The following ELF2 variants were observed in gnomAD, a reference collection of about 807,000 sequenced individuals.
ELF2 encodes the protein E74 like ETS transcription factor 2.
Under a neutral mutation model 54.8 loss-of-function variants are expected in ELF2, and 11 were observed. The observed-to-expected ratio is 0.20, with a 90% CI of 0.13 to 0.33. ELF2 has a LOEUF of 0.33. Ranked by LOEUF, ELF2 falls within the 10% of genes least tolerant of loss-of-function variation. ELF2 has a pLI of 1.00. For missense variants in ELF2, 513 were observed against 703.0 expected, an observed-to-expected ratio of 0.73 and a Z score of 3.06; for synonymous variants, 203 against 245.1, an observed-to-expected ratio of 0.83 and a Z score of 1.61.
At chr4:139,165,894 G>A (rs1462894163) in intron 1 of ELF2, among the ~76,000 whole-genome samples, 2 of 150,680 alleles carry the variant, frequency 1.3e-5, no homozygotes, top group Non-Finnish European at 2.9e-5. Context: ...AAAACTCTTA[G>A]AAATCTAATA....
chr4:139,093,311 C>G (rs1459343542), intron 4 of ELF2, among the ~76,000 whole-genome samples: 1 of 152,146 alleles, frequency 6.6e-6, no homozygotes, highest in Admixed American at 6.5e-5. Context: ...CTTCCCTCCA[C>G]AAAAAACAAA....
chr4:139,169,072 G>A (rs1431253103), intron 1 of ELF2, among the ~76,000 whole-genome samples: 4 of 152,114 alleles, frequency 2.6e-5, no homozygotes, highest in Non-Finnish European at 5.9e-5. Context: ...GGGAGGCCGA[G>A]ACAGGCAGAT....
At chr4:139,172,128 G>A (rs1313852432) in intron 1 of ELF2, among the ~76,000 whole-genome samples, 1 of 152,102 alleles carries the variant, frequency 6.6e-6, no homozygotes, top group African/African-American at 2.4e-5. Context: ...CTAACCAAGA[G>A]AAACAAAACC....
Position 139,159,837 on chromosome 4 carries a change from T to C in ELF2, c.-252+17130A>G, listed in dbSNP as rs564899667. ...AAGTGGCATTAATGAAAGAGGACCC[T>C]TGTGTAGTGAGGAATCCTCTTTCTG... On this transcript the variant is annotated intron_variant, in intron 1 of 9. Transcript: ENST00000686138. Among the ~76,000 whole-genome samples, 26 of 152,188 alleles carry C rather than the reference T, an allele frequency of 1.7e-4. No homozygotes were observed. In the South Asian group the frequency reaches 4.8e-3, roughly 28 times the overall value.
At chr4:139,149,924 G>A (rs1271833896) in intron 1 of ELF2, among the ~76,000 whole-genome samples, 1 of 152,194 alleles carries the variant, frequency 6.6e-6, no homozygotes, top group East Asian at 1.9e-4. Context: ...GTCAGGCACA[G>A]TAGCTCACAC....
intron 3 of ELF2, 141 bp from the exon 4 acceptor site, chr4:139,125,470 C>T: frequency 2.1e-6 from 2 of 956,048 alleles, no homozygotes; most frequent in Non-Finnish European, 2.9e-6. Flanking sequence ...AAAGCCAAAA[C>T]AAGAGATGAA....
intron 1 of ELF2, among the ~76,000 whole-genome samples, chr4:139,146,983 T>C (rs1438526916): frequency 1.3e-5 from 2 of 152,124 alleles, no homozygotes; most frequent in African/African-American, 2.4e-5. Flanking sequence ...AATTCATGAC[T>C]AAGACCCCAA....
At chr4:139,059,859 T>G (rs1401632141) in intron 9 of ELF2, among the ~76,000 whole-genome samples, 9 of 151,990 alleles carry the variant, frequency 5.9e-5, no homozygotes, top group Admixed American at 1.3e-4. Context: ...CTTTTTTTTT[T>G]TTTTTGGAGA....
At chr4:139,082,211 T>C (rs1252491475) in intron 4 of ELF2, among the ~76,000 whole-genome samples, 1 of 152,240 alleles carries the variant, frequency 6.6e-6, no homozygotes, top group Non-Finnish European at 1.5e-5. Flanking sequence ...TTTCCGTGTG[T>C]TCGCAGCCAC....
At chr4:139,168,826 C>A (rs1045382741) in intron 1 of ELF2, among the ~76,000 whole-genome samples, 2 of 152,024 alleles carry the variant, frequency 1.3e-5, no homozygotes, top group African/African-American at 4.8e-5. Flanking sequence ...CCTCTGCCTC[C>A]CAAAGCGCCA....
chr4:139,060,626 A>T lies in ELF2; in HGVS notation c.855T>A (p.Leu285=), dbSNP rs1187174835. 1.9e-6 allele frequency: 3 copies of T among 1,611,256 alleles called. No homozygotes were observed. The highest frequency in any genetic ancestry group is 2.5e-6 in the Non-Finnish European group (3 of 1,178,802). ...TCGGCATATCCTTGAACTGATATACAAGCCTCTGTCCTTCAACCTTTGCAA... is the reference window on the plus strand; with the variant it reads ...TCGGCATATCCTTGAACTGATATACTAGCCTCTGTCCTTCAACCTTTGCAA... ...GILAKVEGQR[L]VYQFKDMPKN... The change falls in exon 9 of 10, where the codon CTT becomes CTA. Residue 285 remains leucine, a synonymous_variant. Transcript: ENST00000686138.
intron 4 of ELF2, among the ~76,000 whole-genome samples, chr4:139,096,895 G>C (rs1197861527): frequency 1.3e-5 from 2 of 151,780 alleles, no homozygotes; most frequent in East Asian, 3.9e-4. Flanking sequence ...GTTCTTCAGA[G>C]TGCTCATTTT....
At chr4:139,091,369 ATAAAAGGTT>A (rs562430879) in intron 4 of ELF2, among the ~76,000 whole-genome samples, 17 of 152,398 alleles carry the variant, frequency 1.1e-4, no homozygotes, top group Admixed American at 8.5e-4. Context: ...TAGTAAAGAA[ATAAAAGGTT>A]TAAAAATAAA....
chr4:139,096,730 A>G (rs1733333705), intron 4 of ELF2, among the ~76,000 whole-genome samples: 1 of 151,592 alleles, frequency 6.6e-6, no homozygotes, highest in Non-Finnish European at 1.5e-5. Context: ...TCAGCCTCCC[A>G]AAGTGCTAGG....
At chr4:139,060,079 T>A (rs1727608345) in intron 9 of ELF2, among the ~76,000 whole-genome samples, 1 of 152,148 alleles carries the variant, frequency 6.6e-6, no homozygotes, top group Non-Finnish European at 1.5e-5. Flanking sequence ...TGACCTCCTG[T>A]CCTCAAGCAA....
intron 4 of ELF2, among the ~76,000 whole-genome samples, chr4:139,119,067 T>C (rs1032955192): frequency 9.2e-5 from 14 of 152,224 alleles, no homozygotes; most frequent in Non-Finnish European, 1.8e-4. Context: ...GCCCAGGATT[T>C]TCTATCATAT....
intron 4 of ELF2, among the ~76,000 whole-genome samples, chr4:139,112,631 C>G (rs1735067912): frequency 6.6e-6 from 1 of 152,190 alleles, no homozygotes; most frequent in African/African-American, 2.4e-5. Flanking sequence ...TCTATATAAT[C>G]CACAGTTAGC....
chr4:139,117,546 T>C (rs559948337), intron 4 of ELF2, among the ~76,000 whole-genome samples: 2 of 151,084 alleles, frequency 1.3e-5, no homozygotes, highest in East Asian at 3.9e-4. Flanking sequence ...ACACAAAAAT[T>C]AGCCACATAG....
At position 139,059,646 on chromosome 4, in the gene ELF2, G is replaced by A; in HGVS notation, c.1158-39C>T. ...AAGAAAAAAGCTGATTATATTTAAT[G>A]CCAACTGAGAAAATAGGTCTCCTGA... is the stretch of plus-strand genomic sequence containing the variant. On this transcript the variant is annotated intron_variant, in intron 9 of 9. Transcript: ENST00000686138. The A allele has an allele frequency of 3.8e-6, 6 of 1,571,584 alleles. No individual in the cohort carries two copies. The South Asian group carries it at 7.0e-5, about 18-fold the overall frequency.
Sources: gnomAD v4.1 joint callset for allele counts (sites outside exome capture counted in the v4.1 genomes callset) on GRCh38, gnomAD v4.1.1 for gene constraint, MANE v1.5 for transcripts, NCBI Gene and HGNC (gene_info 2026-07-23, HGNC 2026-07-21) for gene names.